Variants in CPVL observed in about 807,000 individuals in gnomAD.
CPVL encodes probable serine carboxypeptidase CPVL.
Under a neutral mutation model 63.7 loss-of-function variants are expected in CPVL, and 51 were observed. That is an observed-to-expected ratio of 0.80 (90% CI 0.64 to 1.01). CPVL has a LOEUF of 1.01. Among genes scored for constraint, CPVL ranks in the 50% least tolerant of loss-of-function variants. The pLI, the probability that CPVL is intolerant of heterozygous loss-of-function variation, is 0.00. For synonymous variants in CPVL, 195 were observed against 206.0 expected, an observed-to-expected ratio of 0.95 and a Z score of 0.46; for missense variants, 530 against 573.1, an observed-to-expected ratio of 0.92 and a Z score of 0.77.
chr7:29,075,361 T>C (rs1263372203), intron 7 of CPVL, among the ~76,000 whole-genome samples: 4 of 152,114 alleles, frequency 2.6e-5, no homozygotes, highest in African/African-American at 9.7e-5. Flanking sequence ...ATAAACATTG[T>C]TTTCCAATAT....
chr7:29,061,078 C>T (rs1018609584), intron 11 of CPVL, among the ~76,000 whole-genome samples: 1 of 152,188 alleles, frequency 6.6e-6, no homozygotes, highest in African/African-American at 2.4e-5. Flanking sequence ...ATCTATACCA[C>T]TAAACTCTTT....
At chr7:29,127,799 G>A (rs193054828) in intron 1 of CPVL, among the ~76,000 whole-genome samples, 4 of 152,218 alleles carry the variant, frequency 2.6e-5, no homozygotes, top group African/African-American at 9.6e-5. Flanking sequence ...TGAACAAATA[G>A]GCCTCGCTGA....
At chr7:29,136,448 T>C (rs1006672151) in intron 1 of CPVL, among the ~76,000 whole-genome samples, 1 of 152,124 alleles carries the variant, frequency 6.6e-6, no homozygotes, top group Admixed American at 6.5e-5. Flanking sequence ...TTTGGACAGG[T>C]TGGAGGGTAG....
chr7:29,142,480 G>A (rs1791996908), intron 1 of CPVL, among the ~76,000 whole-genome samples: 1 of 150,968 alleles, frequency 6.6e-6, no homozygotes, highest in Non-Finnish European at 1.5e-5. Context: ...CTCTATAACA[G>A]GACGTCATCA....
chr7:29,110,586 T>C (rs1041939172), intron 3 of CPVL, among the ~76,000 whole-genome samples: 2 of 152,228 alleles, frequency 1.3e-5, no homozygotes, highest in Admixed American at 6.5e-5. Context: ...TGCAATAACA[T>C]GTGAGAATCC....
upstream of CPVL, chr7:29,146,782 C>G (rs774411782): frequency 1.3e-6 from 2 of 1,549,094 alleles, no homozygotes; most frequent in East Asian, 4.9e-5. Context: ...GATTTTGTCT[C>G]CCAGTTTTTA....
intron 12 of CPVL, among the ~76,000 whole-genome samples, chr7:29,029,331 T>C (rs1272318068): frequency 6.6e-6 from 1 of 152,190 alleles, no homozygotes; most frequent in Non-Finnish European, 1.5e-5. Context: ...GAAATCAGTA[T>C]ATTAAAGGAA....
chr7:29,145,419 A>G (rs1792418976), intron 1 of CPVL, among the ~76,000 whole-genome samples: 1 of 152,048 alleles, frequency 6.6e-6, no homozygotes, highest in Non-Finnish European at 1.5e-5. Flanking sequence ...GGAACCAGGA[A>G]TTGCACAGAA....
At chr7:29,089,735 C>A (rs1380489021) in intron 6 of CPVL, among the ~76,000 whole-genome samples, 1 of 152,182 alleles carries the variant, frequency 6.6e-6, no homozygotes, top group Admixed American at 6.5e-5. Flanking sequence ...GGTTTAAATA[C>A]AACTGCAAAA....
chr7:29,050,959 C>T (rs777030732), intron 11 of CPVL, among the ~76,000 whole-genome samples: 4 of 152,094 alleles, frequency 2.6e-5, no homozygotes, highest in Non-Finnish European at 5.9e-5. Context: ...ATACTAACAG[C>T]CAATTGATCT....
chr7:29,136,026 A>G lies in CPVL; in HGVS notation c.-11+10403T>C, dbSNP rs533603895. On this transcript the variant is annotated intron_variant, in intron 1 of 12. Transcript: ENST00000265394. ...GATGTAAACCAAGAAAGAGGAAGAC[A>G]TGGGAGCCCACTAACAGGGGAACTA... is the stretch of plus-strand genomic sequence containing the variant. Among the ~76,000 whole-genome samples, 18 of 152,322 alleles carry G rather than the reference A, an allele frequency of 1.2e-4. No homozygotes were observed. In the South Asian group the frequency reaches 3.5e-3, roughly 30 times the overall value.
intron 4 of CPVL, among the ~76,000 whole-genome samples, chr7:29,182,898 A>G (rs1409009998): frequency 2.0e-5 from 3 of 152,134 alleles, no homozygotes; most frequent in African/African-American, 7.2e-5. Flanking sequence ...CTGCCTTTAA[A>G]TGGCTTGAGA....
At chr7:29,041,066 T>C (rs1053007021) in intron 11 of CPVL, among the ~76,000 whole-genome samples, 4 of 151,900 alleles carry the variant, frequency 2.6e-5, no homozygotes, top group Non-Finnish European at 5.9e-5. Context: ...TCTGCTCTCA[T>C]GGCTGCTTTC....
At chr7:29,012,086 A>G (rs1785906297) in intron 12 of CPVL, 1 of 152,238 alleles carries the variant, frequency 6.6e-6, no homozygotes, top group Admixed American at 6.5e-5. Context: ...CCCTTACTCC[A>G]GGTTAAGAAT....
At chr7:29,189,438 C>A (rs999049251) in intron 1 of CPVL, among the ~76,000 whole-genome samples, 1 of 152,078 alleles carries the variant, frequency 6.6e-6, no homozygotes, top group African/African-American at 2.4e-5. Context: ...ATAGGAACCC[C>A]CGCAGAAGAC....
intron 12 of CPVL, among the ~76,000 whole-genome samples, chr7:29,016,436 C>T (rs147054298): frequency 3.7e-4 from 56 of 152,240 alleles, no homozygotes; most frequent in African/African-American, 1.2e-3. Flanking sequence ...GTTTGTCTAA[C>T]TCCACCTTCT....
chr7:29,019,044 G>T (rs533940453), intron 12 of CPVL, among the ~76,000 whole-genome samples: 1 of 144,108 alleles, frequency 6.9e-6, no homozygotes, highest in Admixed American at 6.8e-5. Context: ...TATAGAGATA[G>T]GTATAAATAT....
At chr7:29,120,775 C>T (rs978427842) in intron 2 of CPVL, 118 bp downstream of exon 2, 34 of 954,612 alleles carry the variant, frequency 3.6e-5, no homozygotes, top group Non-Finnish European at 4.8e-5. Flanking sequence ...GAGCTGAGAT[C>T]GCGCCACTGA....
chr7:29,159,434 A>C (rs747577063), intron 5 of CPVL, among the ~76,000 whole-genome samples: 1 of 152,224 alleles, frequency 6.6e-6, no homozygotes, highest in Non-Finnish European at 1.5e-5. Context: ...TTGGAAAACT[A>C]TCTGCCTTGA....
Sources: gnomAD v4.1 joint callset for allele counts (sites outside exome capture counted in the v4.1 genomes callset) on GRCh38, gnomAD v4.1.1 for gene constraint, MANE v1.5 for transcripts, NCBI Gene and HGNC (gene_info 2026-07-23, HGNC 2026-07-21) for gene names.